The following CTNND2 variants were observed in gnomAD, a reference collection of about 807,000 sequenced individuals.
CTNND2 encodes the protein catenin delta 2.
Under a neutral mutation model 144.4 loss-of-function variants are expected in CTNND2, and 22 were observed. The ratio of observed to expected loss-of-function variants is 0.15; its 90% CI spans 0.11 to 0.22. CTNND2 has a LOEUF of 0.22. Among genes scored for constraint, CTNND2 ranks in the 10% least tolerant of loss-of-function variants. The pLI is 1.00. For synonymous variants in CTNND2, 751 were observed against 695.6 expected, an observed-to-expected ratio of 1.08 and a Z score of -1.25; for missense variants, 1,353 against 1,618.8, an observed-to-expected ratio of 0.84 and a Z score of 2.82.
intron 2 of CTNND2, among the ~76,000 whole-genome samples, chr5:11,702,360 T>G (rs1785481901): frequency 6.6e-6 from 1 of 152,210 alleles, no homozygotes; most frequent in East Asian, 1.9e-4. Flanking sequence ...CAGTTTCAAG[T>G]CCACATGTAC....
At chr5:10,977,813 C>T (rs558397354) in intron 21 of CTNND2, among the ~76,000 whole-genome samples, 40 of 152,308 alleles carry the variant, frequency 2.6e-4, no homozygotes, top group African/African-American at 8.9e-4. Flanking sequence ...CCAAAGATCA[C>T]GAACTGTGTT....
At chr5:11,279,440 C>A (rs1252149856) in intron 9 of CTNND2, among the ~76,000 whole-genome samples, 1 of 152,122 alleles carries the variant, frequency 6.6e-6, no homozygotes, top group East Asian at 1.9e-4. Flanking sequence ...CCCTCTGGTG[C>A]CCCATCATCT....
At chr5:11,083,954 C>A in intron 15 of CTNND2, 1 of 1,116,862 alleles carries the variant, frequency 9.0e-7, no homozygotes, top group South Asian at 1.9e-5. Flanking sequence ...CTCAGCCCAG[C>A]CCTGCATGAA....
chr5:11,592,072 A>AGTGT (rs1257670184), intron 2 of CTNND2, among the ~76,000 whole-genome samples: 4 of 148,906 alleles, frequency 2.7e-5, no homozygotes, highest in African/African-American at 9.9e-5. Context: ...TTCAGAACTC[A>AGTGT]GTGTTTCAGT....
intron 15 of CTNND2, among the ~76,000 whole-genome samples, chr5:11,087,725 C>T (rs1750327628): frequency 1.3e-5 from 2 of 152,134 alleles, no homozygotes; most frequent in Non-Finnish European, 2.9e-5. Context: ...TTGGTTAAGG[C>T]AATGGCAACT....
intron 2 of CTNND2, 147 bp from the exon 3 acceptor site, chr5:11,565,203 GTTAGACAGGC>G: frequency 1.5e-6 from 1 of 648,628 alleles, no homozygotes; most frequent in Middle Eastern, 2.8e-4. Context: ...GGATTCGAAG[GTTAGACAGGC>G]TTGTGGCCCA....
chr5:11,170,455 G>A (rs1005294917), intron 11 of CTNND2, among the ~76,000 whole-genome samples: 2 of 152,260 alleles, frequency 1.3e-5, no homozygotes, highest in East Asian at 1.9e-4. Flanking sequence ...GTATATACAC[G>A]TTGTGTAATG....
At chr5:11,035,791 G>A (rs764509078) in intron 16 of CTNND2, among the ~76,000 whole-genome samples, 2 of 151,914 alleles carry the variant, frequency 1.3e-5, no homozygotes, top group African/African-American at 4.8e-5. Flanking sequence ...AATAAGTTAT[G>A]GAAAGGTTGA....
chr5:11,549,261 A>G (rs1204148125), intron 3 of CTNND2, among the ~76,000 whole-genome samples: 2 of 152,184 alleles, frequency 1.3e-5, no homozygotes, highest in South Asian at 2.1e-4. Context: ...ATCGGGATCT[A>G]TATTTGGCGT....
At chr5:11,182,877 T>C (rs1735234621) in intron 11 of CTNND2, among the ~76,000 whole-genome samples, 1 of 152,236 alleles carries the variant, frequency 6.6e-6, no homozygotes, top group Non-Finnish European at 1.5e-5. Context: ...TTAGGAAAGC[T>C]ACCTAGAGAT....
chr5:11,502,774 T>C (rs1393017803), intron 3 of CTNND2, among the ~76,000 whole-genome samples: 1 of 152,148 alleles, frequency 6.6e-6, no homozygotes, highest in Non-Finnish European at 1.5e-5. Flanking sequence ...CTGTGACTTC[T>C]TGGAAAGATG....
intron 12 of CTNND2, among the ~76,000 whole-genome samples, chr5:11,155,738 C>T (rs1390643115): frequency 6.6e-6 from 1 of 152,104 alleles, no homozygotes; most frequent in Non-Finnish European, 1.5e-5. Flanking sequence ...CACTTCTATC[C>T]TTTTTCCTCA....
chr5:11,555,490 C>T (rs188041359), intron 3 of CTNND2, among the ~76,000 whole-genome samples: 87 of 152,080 alleles, frequency 5.7e-4, no homozygotes, highest in Admixed American at 1.4e-3. Context: ...AAAGAAGCAA[C>T]GGCTGTAAAT....
rs376772734 is a variant in CTNND2 at position 11,742,674 on chromosome 5, T to G, written c.38-10402A>C. On this transcript the variant is annotated intron_variant, in intron 1 of 21. Coordinates refer to ENST00000304623, the MANE Select transcript of CTNND2 (RefSeq NM_001332.4). ...ATTAGAACATCCCAGGTATTGTTAT[T>G]TAAATATATATGTAAATATGAGCTA... Among the ~76,000 whole-genome samples the G allele has an allele frequency of 1.2e-3, 179 of 152,326 alleles. 1 individual carries two copies. In the South Asian group the frequency reaches 0.018, roughly 16 times the overall value.
chr5:11,879,109 G>A (rs1336437405), intron 1 of CTNND2, among the ~76,000 whole-genome samples: 2 of 151,852 alleles, frequency 1.3e-5, no homozygotes, highest in Admixed American at 6.6e-5. Context: ...AAGTGGCACC[G>A]CAGAACATGA....
intron 3 of CTNND2, among the ~76,000 whole-genome samples, chr5:11,500,683 T>G (rs1770445460): frequency 6.6e-6 from 1 of 152,258 alleles, no homozygotes; most frequent in Non-Finnish European, 1.5e-5. Flanking sequence ...ATCACCATGC[T>G]GTCATTCCAC....
At chr5:11,872,336 A>G (rs1031630138) in intron 1 of CTNND2, among the ~76,000 whole-genome samples, 2 of 152,184 alleles carry the variant, frequency 1.3e-5, no homozygotes, top group African/African-American at 4.8e-5. Context: ...TAGCGCTGCA[A>G]TAAACACATG....
chr5:11,130,198 G>A (rs148454777), intron 12 of CTNND2, among the ~76,000 whole-genome samples: 8 of 152,202 alleles, frequency 5.3e-5, no homozygotes, highest in African/African-American at 1.9e-4. Flanking sequence ...ACCTATTGGG[G>A]CTGGCCGCGA....
chr5:11,120,323 G>T (rs1753964527), intron 12 of CTNND2, among the ~76,000 whole-genome samples: 1 of 149,406 alleles, frequency 6.7e-6, no homozygotes, highest in African/African-American at 2.5e-5. Context: ...ACTGTCTGAA[G>T]GGGTGATGAG....
Sources: gnomAD v4.1 joint callset for allele counts (sites outside exome capture counted in the v4.1 genomes callset) on GRCh38, gnomAD v4.1.1 for gene constraint, MANE v1.5 for transcripts, NCBI Gene and HGNC (gene_info 2026-07-23, HGNC 2026-07-21) for gene names.